Variants in NUP210L observed in about 807,000 individuals in gnomAD.
NUP210L encodes nuclear pore membrane glycoprotein 210-like.
NUP210L carries 74 observed loss-of-function variants against 208.5 expected under a neutral mutation model. The ratio of observed to expected loss-of-function variants is 0.35; its 90% CI spans 0.29 to 0.43. The LOEUF (loss-of-function observed/expected upper bound fraction) is 0.43, where lower values mean the gene tolerates loss of function less well. NUP210L is among the 20% of genes least tolerant of loss of function. The pLI, the probability that NUP210L is intolerant of heterozygous loss-of-function variation, is 1.00. For synonymous variants in NUP210L, 780 were observed against 816.9 expected (o/e 0.95, Z 0.77); for missense variants, 1,843 against 2,289.4 (o/e 0.81, Z 3.98).
At chr1:154,057,689 A>AGTGT (rs1333676264) in intron 22 of NUP210L, among the ~76,000 whole-genome samples, 2 of 70,344 alleles carry the variant, frequency 2.8e-5, no homozygotes, top group South Asian at 6.7e-4. Context: ...GAGGACCTCG[A>AGTGT]ATGTGTGTGT....
intron 16 of NUP210L, among the ~76,000 whole-genome samples, chr1:154,077,156 C>T (rs1253915444): frequency 6.6e-6 from 1 of 151,982 alleles, no homozygotes; most frequent in Non-Finnish European, 1.5e-5. Flanking sequence ...AGGTGGATTG[C>T]CTGAGCTCAG....
Position 154,027,110 on chromosome 1 carries a change from AC to A in NUP210L, c.3947+395del, listed in dbSNP as rs1390424902. Among the ~76,000 whole-genome samples the A allele has an allele frequency of 5.6e-4, 82 of 147,698 alleles. 1 individual carries two copies. Among genetic ancestry groups the A allele is most frequent in the East Asian group, 2.9e-3 (14 of 4,786 alleles). ...AAAAAAAAAAAACAAAAAAAAAAAAACAAAAAACACAAAACGTTGCATACTG... is the reference window on the plus strand; with the variant it reads ...AAAAAAAAAAAACAAAAAAAAAAAAAAAAAAACACAAAACGTTGCATACTG... On this transcript the variant is annotated intron_variant, in intron 29 of 39. Transcript: ENST00000368559.
At chr1:154,096,563 C>A (rs1355126249) in intron 14 of NUP210L, among the ~76,000 whole-genome samples, 2 of 151,642 alleles carry the variant, frequency 1.3e-5, no homozygotes, top group Non-Finnish European at 2.9e-5. Flanking sequence ...GAGTTTGAGA[C>A]CAGCCTGGCC....
At chr1:154,027,539 G>A (rs775136356) in exon 29 of NUP210L, 1 of 1,613,434 alleles carries the variant, frequency 6.2e-7, no homozygotes, top group Admixed American at 1.7e-5. Flanking sequence ...AGAATTTATA[G>A]GCATCAGAAT....
chr1:154,115,332 TAC>T (rs1179742815), intron 12 of NUP210L, among the ~76,000 whole-genome samples: 1 of 152,230 alleles, frequency 6.6e-6, no homozygotes, highest in Non-Finnish European at 1.5e-5. Flanking sequence ...TTATTGAGGC[TAC>T]ACAGTCTCCG....
intron 27 of NUP210L, among the ~76,000 whole-genome samples, chr1:154,044,236 T>A (rs372764144): frequency 1.4e-4 from 21 of 151,758 alleles, no homozygotes; most frequent in African/African-American, 4.6e-4. Context: ...TGAAACCCCG[T>A]CTCTACTAAA....
At chr1:154,065,569 T>C (rs954125268) in intron 17 of NUP210L, among the ~76,000 whole-genome samples, 2 of 152,024 alleles carry the variant, frequency 1.3e-5, no homozygotes, top group Non-Finnish European at 2.9e-5. Flanking sequence ...TGACACGTGA[T>C]AAAATCTAAA....
chr1:154,032,883 A>T (rs1478055519), intron 27 of NUP210L, among the ~76,000 whole-genome samples: 6 of 151,704 alleles, frequency 4.0e-5, no homozygotes, highest in Non-Finnish European at 7.4e-5. Flanking sequence ...ACACCACTGC[A>T]CTCCAGATTG....
In NUP210L at chr1:154,082,933, G is replaced by C. The variant is rs1033976957; in HGVS notation, c.2361+6488C>G. ...CACAGTTAGTGTTACAGCTCTTAAA[G>C]GTGGCACATCAGAAGTTCTTCATTC... On this transcript the variant is annotated intron_variant, in intron 16 of 39. Coordinates refer to ENST00000368559, the Ensembl canonical transcript of NUP210L. 2.6e-5 allele frequency among the ~76,000 whole-genome samples: 4 copies of C among 152,188 alleles called. No individual in the cohort carries two copies. In the East Asian group the frequency reaches 5.8e-4, roughly 22 times the overall value.
At chr1:153,997,467 G>GTTTTT (rs1328725231) in intron 37 of NUP210L, among the ~76,000 whole-genome samples, 1 of 126,388 alleles carries the variant, frequency 7.9e-6, no homozygotes, top group African/African-American at 3.0e-5. Flanking sequence ...TTTCTTTTCT[G>GTTTTT]TTTTTTTTTT....
chr1:154,012,512 A>G (rs1650984228), intron 33 of NUP210L, 142 bp from the exon 34 acceptor site: 5 of 769,980 alleles, frequency 6.5e-6, no homozygotes, highest in Non-Finnish European at 1.0e-5. Flanking sequence ...ATATTTGAGA[A>G]CAACAAAATC....
intron 8 of NUP210L, among the ~76,000 whole-genome samples, chr1:154,128,833 C>A (rs1658112355): frequency 6.6e-6 from 1 of 152,102 alleles, no homozygotes. Context: ...GGTGACAGAG[C>A]AAGACCCTGT....
intron 16 of NUP210L, among the ~76,000 whole-genome samples, chr1:154,073,757 G>A (rs1654889905): frequency 6.6e-6 from 1 of 151,632 alleles, no homozygotes; most frequent in South Asian, 2.1e-4. Context: ...GGGGGTTGCA[G>A]TGAGCCGAGA....
chr1:154,053,770 G>C (rs1016583067), intron 25 of NUP210L, among the ~76,000 whole-genome samples: 2 of 152,130 alleles, frequency 1.3e-5, no homozygotes, highest in Admixed American at 1.3e-4. Flanking sequence ...AAATATGTGG[G>C]TTAATCTCTG....
chr1:154,008,737 C>T (rs1295762611), intron 35 of NUP210L, among the ~76,000 whole-genome samples: 4 of 151,258 alleles, frequency 2.6e-5, no homozygotes, highest in Non-Finnish European at 5.9e-5. Context: ...AACAAACAAA[C>T]CAAAAATTAC....
At chr1:154,101,128 C>T (rs1016348294) in intron 13 of NUP210L, among the ~76,000 whole-genome samples, 12 of 141,140 alleles carry the variant, frequency 8.5e-5, no homozygotes, top group South Asian at 2.3e-4. Flanking sequence ...GCCGAGATTG[C>T]GCCATTGCAC....
chr1:154,110,413 A>G (rs1462054897), intron 12 of NUP210L, among the ~76,000 whole-genome samples: 5 of 149,744 alleles, frequency 3.3e-5, no homozygotes, highest in African/African-American at 5.0e-5. Context: ...CTGGGATTAC[A>G]GGGGCACGCC....
chr1:153,993,653 C>T (rs1422990425), intron 38 of NUP210L, among the ~76,000 whole-genome samples: 2 of 151,712 alleles, frequency 1.3e-5, no homozygotes, highest in African/African-American at 2.4e-5. Flanking sequence ...TGGCTCACGC[C>T]TGTAATCCCA....
chr1:154,085,604 G>T (rs1433458867), intron 16 of NUP210L, among the ~76,000 whole-genome samples: 1 of 152,068 alleles, frequency 6.6e-6, no homozygotes, highest in Non-Finnish European at 1.5e-5. Flanking sequence ...CAAAATCTCT[G>T]CTGGCTTTGA....
Sources: gnomAD v4.1 joint callset for allele counts (sites outside exome capture counted in the v4.1 genomes callset) on GRCh38, gnomAD v4.1.1 for gene constraint, MANE v1.5 for transcripts, NCBI Gene and HGNC (gene_info 2026-07-23, HGNC 2026-07-21) for gene names.